The following UNC93A variants were observed in gnomAD, a reference collection of about 807,000 sequenced individuals.
The protein encoded by UNC93A is N-acetylglucosamine transporter UNC93A.
Under a neutral mutation model 47.5 loss-of-function variants are expected in UNC93A, and 43 were observed. The ratio of observed to expected loss-of-function variants is 0.91; its 90% CI spans 0.71 to 1.17. The LOEUF (loss-of-function observed/expected upper bound fraction) is 1.17. Among genes scored for constraint, UNC93A ranks in the 50% most tolerant of loss-of-function variants. The pLI is 0.00. For synonymous variants in UNC93A, 280 were observed against 258.0 expected, an observed-to-expected ratio of 1.09 and a Z score of -0.82; for missense variants, 605 against 577.6, an observed-to-expected ratio of 1.05 and a Z score of -0.49.
At chr6:167,299,163 T>C (rs984318039) in intron 4 of UNC93A, among the ~76,000 whole-genome samples, 7 of 148,088 alleles carry the variant, frequency 4.7e-5, no homozygotes, top group Non-Finnish European at 1.0e-4. Flanking sequence ...TATTTATATA[T>C]GCATGTACAT....
chr6:167,297,767 C>T (rs1778128971), intron 3 of UNC93A, among the ~76,000 whole-genome samples, 178 bp from the exon 4 acceptor site: 1 of 152,152 alleles, frequency 6.6e-6, no homozygotes, highest in South Asian at 2.1e-4. Flanking sequence ...AGTCTAGGGA[C>T]ATGTGCCTAG....
At chr6:167,313,611 A>C (rs568033019) in intron 7 of UNC93A, among the ~76,000 whole-genome samples, 1 of 152,250 alleles carries the variant, frequency 6.6e-6, no homozygotes, top group East Asian at 1.9e-4. Context: ...ACAGCAACCC[A>C]TATTCCCAAA....
intron 1 of UNC93A, among the ~76,000 whole-genome samples, chr6:167,281,782 C>T (rs1266340402): frequency 3.3e-5 from 5 of 152,170 alleles, no homozygotes; most frequent in Non-Finnish European, 7.3e-5. Context: ...CAGAAGCTGG[C>T]CCAGCCCGGC....
At chr6:167,307,970 C>A in intron 7 of UNC93A, 60 bp downstream of exon 7, 2 of 1,596,872 alleles carry the variant, frequency 1.3e-6, no homozygotes, top group Non-Finnish European at 1.7e-6. Flanking sequence ...CTGGCCAAGG[C>A]AACTGTGGGG....
In UNC93A at chr6:167,307,779, G is replaced by A. The variant is rs1778441664; in HGVS notation, c.977G>A (p.Gly326Asp). 2 of 1,593,438 alleles carry A rather than the reference G, an allele frequency of 1.3e-6. No homozygotes were observed. Among genetic ancestry groups the A allele is most frequent in the South Asian group, 2.2e-5 (2 of 90,160 alleles). ...GGCGGTTTCCCCTCTGCACCCCCAG[G>A]CGCGGTGACCCACGTGTCCTGCATG... ...YTGRAVLYVL[G>D]AVTHVSCMIA... is the part of the protein sequence containing the mutation. Residue 326 changes from glycine to aspartate, a missense_variant and splice_region_variant, in exon 7 of 8, where the codon GGC becomes GAC. Physicochemically the swap from Gly to Asp is moderately conservative, Grantham distance 94. Transcript: ENST00000230256.
upstream of UNC93A, among the ~76,000 whole-genome samples, chr6:167,287,833 T>C (rs1318335426): frequency 2.0e-5 from 3 of 152,122 alleles, no homozygotes; most frequent in Non-Finnish European, 4.4e-5. Flanking sequence ...ACAGGCCAGA[T>C]TCTCCGCACT....
intron 4 of UNC93A, among the ~76,000 whole-genome samples, chr6:167,301,335 T>C (rs1389452559): frequency 6.6e-6 from 1 of 152,244 alleles, no homozygotes; most frequent in Non-Finnish European, 1.5e-5. Flanking sequence ...CACATGTAAA[T>C]GAAGAAGTGG....
chr6:167,270,892 G>A (rs183989312), upstream of UNC93A, among the ~76,000 whole-genome samples: 33 of 152,328 alleles, frequency 2.2e-4, no homozygotes, highest in African/African-American at 7.9e-4. Flanking sequence ...TCCAGGCTGG[G>A]GGACAAGAAG....
Position 167,294,564 on chromosome 6 carries a change from C to T in UNC93A, c.135C>T (p.Thr45=), listed in dbSNP as rs553492986. 3.7e-6 allele frequency: 6 copies of T among 1,614,092 alleles called. No individual in the cohort carries two copies. The highest frequency in any genetic ancestry group is 5.1e-6 in the Non-Finnish European group (6 of 1,180,014). ...EEGLGVTALS[T]LYGGMLLSSM... The stretch of plus-strand genomic sequence containing the variant: ...GCCTGGGTGTCACAGCGCTCAGCAC[C>T]CTCTATGGAGGCATGCTCCTGTCCT... The change falls in exon 2 of 8, where the codon ACC becomes ACT. Residue 45 remains threonine, a synonymous_variant. Coordinates refer to ENST00000230256, the MANE Select transcript of UNC93A (RefSeq NM_018974.4).
In UNC93A at chr6:167,272,176, G is replaced by A. The variant is rs564206664; in HGVS notation, c.-52+718G>A. Among the ~76,000 whole-genome samples, 8 of 152,312 alleles carry A rather than the reference G, an allele frequency of 5.3e-5. No homozygotes were observed. The South Asian group carries it at 1.7e-3, about 32-fold the overall frequency. On this transcript the variant is annotated intron_variant, in intron 1 of 3. Transcript: ENST00000503433. The stretch of plus-strand genomic sequence containing the variant: ...ATGCCAAAGTGGTGTCTTTGGGGGT[G>A]GCTGACTCTGCTGCTCTTTACTTAC...
intron 6 of UNC93A, 147 bp downstream of exon 6, chr6:167,306,197 G>A: frequency 1.7e-6 from 2 of 1,185,784 alleles, no homozygotes; most frequent in South Asian, 2.9e-5. Context: ...CATTCTTTCA[G>A]TCCTTTCTTC....
At chr6:167,306,962 G>A (rs1778414285) in intron 6 of UNC93A, among the ~76,000 whole-genome samples, 1 of 152,160 alleles carries the variant, frequency 6.6e-6, no homozygotes, top group Non-Finnish European at 1.5e-5. Flanking sequence ...GCTGGGACGA[G>A]TCACAAGGTG....
chr6:167,311,728 G>T (rs1778558939), intron 7 of UNC93A, among the ~76,000 whole-genome samples: 1 of 152,282 alleles, frequency 6.6e-6, no homozygotes, highest in African/African-American at 2.4e-5. Flanking sequence ...GCAATGCTTT[G>T]TCTTTCTAAA....
chr6:167,301,674 T>G (rs975329708), intron 4 of UNC93A, among the ~76,000 whole-genome samples: 4 of 152,134 alleles, frequency 2.6e-5, no homozygotes, highest in Admixed American at 6.5e-5. Context: ...ATAACCTGCC[T>G]CTCCCCTTCC....
chr6:167,307,695 G>C, intron 6 of UNC93A, 84 bp from the exon 7 acceptor site: 2 of 1,430,872 alleles, frequency 1.4e-6, no homozygotes, highest in Non-Finnish European at 1.9e-6. Flanking sequence ...TGAGATGGTT[G>C]CTCCAGCACT....
At chr6:167,280,513 C>T (rs1783614411) in intron 1 of UNC93A, among the ~76,000 whole-genome samples, 1 of 152,162 alleles carries the variant, frequency 6.6e-6, no homozygotes, top group South Asian at 2.1e-4. Context: ...CTAGGAGGCC[C>T]TGTGCATTTT....
intron 1 of UNC93A, among the ~76,000 whole-genome samples, chr6:167,278,554 A>G (rs1219182281): frequency 1.3e-5 from 2 of 152,258 alleles, no homozygotes; most frequent in Non-Finnish European, 2.9e-5. Context: ...TATAAAATCC[A>G]TACAGTGTTC....
chr6:167,307,263 G>A (rs1445738396), intron 6 of UNC93A, among the ~76,000 whole-genome samples: 2 of 152,196 alleles, frequency 1.3e-5, no homozygotes, highest in Non-Finnish European at 2.9e-5. Flanking sequence ...GGGTCACGCA[G>A]CAGGTGTATG....
At chr6:167,302,907 G>A (rs905775152) in intron 4 of UNC93A, among the ~76,000 whole-genome samples, 2 of 152,272 alleles carry the variant, frequency 1.3e-5, no homozygotes, top group Middle Eastern at 6.8e-3. Flanking sequence ...TCTGAGTAGT[G>A]TGATGGAATC....
Sources: allele counts gnomAD v4.1 joint callset (sites outside exome capture counted in the v4.1 genomes callset), GRCh38; gene constraint gnomAD v4.1.1; transcripts MANE v1.5; gene names NCBI Gene and HGNC (gene_info 2026-07-23, HGNC 2026-07-21).